PUM1: variants seen among roughly 807,000 people sequenced by gnomAD.
The protein encoded by PUM1 is pumilio RNA binding family member 1.
Under a neutral mutation model 131.8 loss-of-function variants are expected in PUM1, and 13 were observed. The ratio of observed to expected loss-of-function variants is 0.10; its 90% CI spans 0.06 to 0.16. The LOEUF (loss-of-function observed/expected upper bound fraction) is 0.16. Among genes scored for constraint, PUM1 ranks in the 10% least tolerant of loss-of-function variants. The probability of loss-of-function intolerance (pLI) is 1.00; values close to 1 mark genes in which losing one functional copy is unlikely to be tolerated. For missense variants in PUM1, 961 were observed against 1,512.4 expected (o/e 0.64, Z 6.05); for synonymous variants, 509 against 556.5 (o/e 0.91, Z 1.20).
At chr1:30,955,448 G>A (rs1458563605) in intron 14 of PUM1, among the ~76,000 whole-genome samples, 3 of 144,946 alleles carry the variant, frequency 2.1e-5, no homozygotes, top group Non-Finnish European at 3.0e-5. Flanking sequence ...CTGGGCGACA[G>A]AGCAAGACTC....
In PUM1 at chr1:30,967,427, T is replaced by C. The variant is rs78930153; in HGVS notation, c.1646-117A>G. On this transcript the variant is annotated intron_variant, in intron 11 of 21. Coordinates refer to ENST00000426105, the MANE Select transcript of PUM1 (RefSeq NM_001020658.2). ...TTTGAGGTTGAATTGGCCAGATTTA[T>C]ATACTGGCTCCATCACTTAAATAGT... 1,115 of 933,886 alleles carry C rather than the reference T, an allele frequency of 1.2e-3. 6 individuals carry two copies. In the African/African-American group the frequency reaches 0.016, roughly 14 times the overall value. The allele number at this position is 933,886 out of a possible 1,614,324, so 57.8% of individuals were successfully genotyped here. A position where few individuals can be genotyped will look rare whatever the true frequency, so the allele number is the denominator to read the frequency against.
Position 30,963,996 on chromosome 1 carries a change from A to G in PUM1, c.2323+678T>C, listed in dbSNP as rs150177960. ...GTCCTGAAAGATTTAGAGATTTGCC[A>G]CCAAAAAAAAGGTAATATAATTTTC... On this transcript the variant is annotated intron_variant, in intron 14 of 21. Transcript: ENST00000426105. Among the ~76,000 whole-genome samples, 447 of 152,258 alleles carry G rather than the reference A, an allele frequency of 2.9e-3. 2 individuals carry two copies. Among genetic ancestry groups the G allele is most frequent in the African/African-American group, 7.2e-3 (298 of 41,554 alleles).
intron 1 of PUM1, among the ~76,000 whole-genome samples, chr1:31,062,171 G>A (rs1644381059): frequency 6.6e-6 from 1 of 152,170 alleles, no homozygotes; most frequent in Admixed American, 6.5e-5. Flanking sequence ...CCTTGCAGGA[G>A]TAACTCAACA....
intron 2 of PUM1, among the ~76,000 whole-genome samples, chr1:31,035,549 C>T (rs1273107902): frequency 6.6e-6 from 1 of 151,774 alleles, no homozygotes; most frequent in African/African-American, 2.4e-5. Context: ...GTCAGGAGGT[C>T]GAGACCAGCC....
chr1:31,054,613 T>C (rs752409488), intron 2 of PUM1, among the ~76,000 whole-genome samples: 4 of 150,330 alleles, frequency 2.7e-5, no homozygotes, highest in Non-Finnish European at 4.4e-5. Context: ...TATTGAGTCA[T>C]TCTGTCTCTA....
intron 2 of PUM1, among the ~76,000 whole-genome samples, chr1:31,043,255 T>C (rs1308696351): frequency 4.6e-5 from 7 of 152,012 alleles, no homozygotes; most frequent in Admixed American, 1.3e-4. Flanking sequence ...CAGGTTGGAG[T>C]GCAATGGTGC....
chr1:31,036,960 T>C (rs1201669928), intron 2 of PUM1: 1 of 172,272 alleles, frequency 5.8e-6, no homozygotes, highest in South Asian at 1.5e-4. Context: ...AAGATACTGC[T>C]GATTACCATG....
chr1:30,998,477 A>G (rs1642065660), intron 5 of PUM1, among the ~76,000 whole-genome samples: 1 of 151,940 alleles, frequency 6.6e-6, no homozygotes, highest in African/African-American at 2.4e-5. Flanking sequence ...ATCTCTAAAA[A>G]AAAAGTTTTT....
Position 31,058,889 on chromosome 1 carries a change from G to C in PUM1, c.363+315C>G, listed in dbSNP as rs532902999. Among the ~76,000 whole-genome samples the C allele has an allele frequency of 5.9e-5, 9 of 152,226 alleles. No homozygotes were observed. In the East Asian group the frequency reaches 1.7e-3, roughly 30 times the overall value. ...GGAGGCTGAGGCAGGAGAACTGCTT[G>C]AACCTGGGAGGCAGCAGCTGCAGTG... On this transcript the variant is annotated intron_variant, in intron 2 of 21. Transcript: ENST00000426105.
At chr1:31,028,918 C>T in intron 2 of PUM1, 54 bp from the exon 3 acceptor site, 1 of 1,345,734 alleles carries the variant, frequency 7.4e-7, no homozygotes, top group South Asian at 1.2e-5. Context: ...TTGAATTTTA[C>T]ATACACATTA....
intron 16 of PUM1, among the ~76,000 whole-genome samples, chr1:30,950,595 C>T (rs1570110876): frequency 6.6e-6 from 1 of 152,350 alleles, no homozygotes; most frequent in Non-Finnish European, 1.5e-5. Flanking sequence ...TGCAGTGGCT[C>T]ACACCGGTAA....
chr1:30,966,843 T>C (rs1456952044), intron 12 of PUM1, among the ~76,000 whole-genome samples: 1 of 152,030 alleles, frequency 6.6e-6, no homozygotes, highest in Non-Finnish European at 1.5e-5. Flanking sequence ...CCTCTAAAAT[T>C]ATCTTAAAAT....
At chr1:31,012,654 A>G (rs891328773) in intron 3 of PUM1, among the ~76,000 whole-genome samples, 2 of 152,032 alleles carry the variant, frequency 1.3e-5, no homozygotes, top group African/African-American at 4.8e-5. Flanking sequence ...CAGCCACTTG[A>G]GACACTTCTT....
chr1:30,949,975 C>T (rs745582076), intron 17 of PUM1, among the ~76,000 whole-genome samples, 152 bp downstream of exon 17: 7 of 152,184 alleles, frequency 4.6e-5, no homozygotes, highest in Non-Finnish European at 8.8e-5. Flanking sequence ...AAATTATTTG[C>T]ACAGTTCATG....
chr1:30,974,902 ATTAAC>A, intron 9 of PUM1, 100 bp from the exon 10 acceptor site: 2 of 867,782 alleles, frequency 2.3e-6, no homozygotes. Context: ...ACTGTAAAAT[ATTAAC>A]TTAAAAGTAT....
At chr1:31,014,466 C>T (rs1642738942) in intron 3 of PUM1, among the ~76,000 whole-genome samples, 1 of 151,352 alleles carries the variant, frequency 6.6e-6, no homozygotes, top group Non-Finnish European at 1.5e-5. Flanking sequence ...ATGCCAAGAC[C>T]CAATCTCTAT....
chr1:31,061,615 T>A (rs958806451), intron 1 of PUM1: 2 of 149,994 alleles, frequency 1.3e-5, no homozygotes, highest in African/African-American at 2.5e-5. Flanking sequence ...AATAAATAAA[T>A]AAAATAATTT....
intron 1 of PUM1, among the ~76,000 whole-genome samples, chr1:31,065,068 C>T (rs984457867): frequency 2.0e-5 from 3 of 152,160 alleles, no homozygotes; most frequent in Non-Finnish European, 2.9e-5. Context: ...TTCCTGATCG[C>T]CACTTCTCCA....
chr1:30,962,872 T>C (rs1224015848), intron 14 of PUM1, among the ~76,000 whole-genome samples: 1 of 152,076 alleles, frequency 6.6e-6, no homozygotes, highest in Non-Finnish European at 1.5e-5. Context: ...TGGCTCTTTA[T>C]GAAAAAAAAA....
Sources: gnomAD v4.1 joint callset for allele counts (sites outside exome capture counted in the v4.1 genomes callset) on GRCh38, gnomAD v4.1.1 for gene constraint, MANE v1.5 for transcripts, NCBI Gene and HGNC (gene_info 2026-07-23, HGNC 2026-07-21) for gene names.